The following VWDE variants were observed in gnomAD, a reference collection of about 807,000 sequenced individuals.
The protein encoded by VWDE is von Willebrand factor D and EGF domains.
Under a neutral mutation model 178.4 loss-of-function variants are expected in VWDE, and 207 were observed. The observed-to-expected ratio is 1.16, with a 90% CI of 1.04 to 1.30. VWDE has a LOEUF of 1.30. Ranked by LOEUF, VWDE falls within the 50% of genes most tolerant of loss-of-function variation. The probability of loss-of-function intolerance (pLI) is 0.00; values close to 1 mark genes in which losing one functional copy is unlikely to be tolerated. For synonymous variants in VWDE, 738 were observed against 651.4 expected, an observed-to-expected ratio of 1.13 and a Z score of -2.02; for missense variants, 2,287 against 1,901.3, an observed-to-expected ratio of 1.20 and a Z score of -3.77.
intron 1 of VWDE, among the ~76,000 whole-genome samples, chr7:12,400,602 C>T (rs1292468588): frequency 6.6e-6 from 1 of 152,058 alleles, no homozygotes; most frequent in Non-Finnish European, 1.5e-5. Context: ...GGCATCAATG[C>T]TAAATTCTAC....
chr7:12,349,416 A>G (rs906194664), intron 19 of VWDE, among the ~76,000 whole-genome samples: 16 of 151,378 alleles, frequency 1.1e-4, no homozygotes, highest in African/African-American at 3.6e-4. Context: ...ATAAAATAAT[A>G]AATGTTCTAA....
chr7:12,333,862 C>CT (rs538768322), intron 27 of VWDE: 3,037 of 218,990 alleles, frequency 0.014, 17 homozygotes, highest in Non-Finnish European at 0.02. Flanking sequence ...AAATATATCT[C>CT]TTTTTTTTTC....
At chr7:12,392,019 C>G (rs1784412097) in intron 2 of VWDE, among the ~76,000 whole-genome samples, 1 of 152,134 alleles carries the variant, frequency 6.6e-6, no homozygotes. Flanking sequence ...AGACATATGT[C>G]TTCAATAATA....
At position 12,337,216 on chromosome 7, in the gene VWDE, C is replaced by T. The variant is rs73292361; in HGVS notation, c.4423G>A (p.Val1475Ile). Reference protein sequence around the residue: ...GGHCMRNNVCVCREGYTGRRF... With the variant: ...GGHCMRNNVCICREGYTGRRF... ...CTACCAGTGTATCCTTCACGACAGA[C>T]GCACACATTATTTCTCATGCAGTGG... The change falls in exon 25 of 29, where the codon GTC becomes ATC. Residue 1475 changes from valine to isoleucine, a missense_variant. Physicochemically the swap from Val to Ile is conservative, Grantham distance 29 (BLOSUM62 3). Coordinates refer to ENST00000275358, the MANE Select transcript of VWDE (RefSeq NM_001135924.3). The T allele has an allele frequency of 3.6e-3, 5,591 of 1,551,930 alleles. 163 individuals carry two copies. In the African/African-American group the frequency reaches 0.066, roughly 18 times the overall value.
At chr7:12,378,622 CT>C (rs1307599687) in intron 6 of VWDE, among the ~76,000 whole-genome samples, 1 of 152,112 alleles carries the variant, frequency 6.6e-6, no homozygotes, top group African/African-American at 2.4e-5. Context: ...CTATTGACCC[CT>C]GACACTGTCT....
intron 1 of VWDE, among the ~76,000 whole-genome samples, chr7:12,403,121 T>C (rs761958780): frequency 1.3e-5 from 2 of 152,290 alleles, no homozygotes; most frequent in African/African-American, 4.8e-5. Context: ...TCTTTTACAG[T>C]GCCAAAACTG....
chr7:12,370,605 C>A, intron 11 of VWDE, 51 bp downstream of exon 11: 2 of 1,535,440 alleles, frequency 1.3e-6, no homozygotes, highest in East Asian at 2.5e-5. Context: ...AGCCACCACC[C>A]GTTTTAAGTC....
intron 12 of VWDE, among the ~76,000 whole-genome samples, chr7:12,368,953 G>C (rs1412123654): frequency 1.3e-5 from 2 of 152,128 alleles, no homozygotes; most frequent in African/African-American, 4.8e-5. Flanking sequence ...AGGTGGAAAA[G>C]AGCAAGATGG....
chr7:12,358,482 T>C (rs1325936111), intron 16 of VWDE, among the ~76,000 whole-genome samples: 1 of 152,146 alleles, frequency 6.6e-6, no homozygotes, highest in African/African-American at 2.4e-5. Flanking sequence ...AAAAAATGTC[T>C]ACCTTTCCAG....
rs139879021 is a variant in VWDE, at chr7:12,403,686, C to G, written c.31G>C (p.Ala11Pro). MPGGACVLVI[A>P]LMFLAWGEAQ... ...TCCCCCCAGGCCAGGAACATCAGCG[C>G]GATCACCAGCACGCAGGCTCCGCCA... Residue 11 changes from alanine to proline, a missense_variant, in exon 1 of 29, where the codon GCG becomes CCG. Ala to Pro is a conservative substitution (Grantham distance 27). Coordinates refer to ENST00000275358, the MANE Select transcript of VWDE (RefSeq NM_001135924.3). The G allele has an allele frequency of 1.3e-6, 2 of 1,548,488 alleles. No homozygotes were observed. Among genetic ancestry groups the G allele is most frequent in the Non-Finnish European group, 1.7e-6 (2 of 1,146,536 alleles).
At position 12,357,444 on chromosome 7, in the gene VWDE, G is replaced by T. The variant is rs985605055; in HGVS notation, c.3346C>A (p.Gln1116Lys). ...CCTTCTGGATCGAAGGCCACGAACT[G>T]ATACTCAAAGTTTTCACCATAAAAT... ...QTFYGENFEY[Q>K]FVAFDPEGSD... The change falls in exon 17 of 29, where the codon CAG (glutamine) becomes AAG (lysine). Residue 1116 changes from glutamine (Q) to lysine (K), a missense_variant. By Grantham distance (53) the Gln-to-Lys change is moderately conservative. Transcript: ENST00000275358. 6.4e-7 allele frequency: 1 copy of T among 1,551,980 alleles called. No homozygotes were observed. Among genetic ancestry groups the T allele is most frequent in the Non-Finnish European group, 8.7e-7 (1 of 1,147,070 alleles).
intron 13 of VWDE, among the ~76,000 whole-genome samples, chr7:12,363,044 T>A (rs1451318640): frequency 6.6e-6 from 1 of 152,124 alleles, no homozygotes; most frequent in Non-Finnish European, 1.5e-5. Flanking sequence ...ATTTTGTGAG[T>A]ATATATTATG....
chr7:12,346,143 A>C (rs1781584911), intron 19 of VWDE, among the ~76,000 whole-genome samples: 1 of 152,136 alleles, frequency 6.6e-6, no homozygotes, highest in Non-Finnish European at 1.5e-5. Flanking sequence ...GGAGCTTATA[A>C]TCTTTTGGGG....
At chr7:12,381,868 GA>G (rs1387354435) in intron 4 of VWDE, among the ~76,000 whole-genome samples, 3 of 151,728 alleles carry the variant, frequency 2.0e-5, no homozygotes, top group South Asian at 2.1e-4. Flanking sequence ...ACAAATGACT[GA>G]AAAAAATAAT....
chr7:12,384,585 C>T (rs543831924), intron 3 of VWDE, among the ~76,000 whole-genome samples: 37 of 152,048 alleles, frequency 2.4e-4, no homozygotes, highest in African/African-American at 8.7e-4. Context: ...GGTTGGGGGA[C>T]TATGCATGTG....
chr7:12,399,714 G>A (rs1222955351), intron 1 of VWDE, among the ~76,000 whole-genome samples: 1 of 152,128 alleles, frequency 6.6e-6, no homozygotes, highest in Non-Finnish European at 1.5e-5. Context: ...GGGCATGGTG[G>A]TATGTTCCTA....
chr7:12,374,065 C>T (rs534291472), intron 9 of VWDE, among the ~76,000 whole-genome samples: 1 of 152,200 alleles, frequency 6.6e-6, no homozygotes, highest in East Asian at 1.9e-4. Context: ...TGATGCAACA[C>T]TAAGACATTC....
chr7:12,364,668 G>T (rs758776321), intron 13 of VWDE, among the ~76,000 whole-genome samples: 2 of 152,088 alleles, frequency 1.3e-5, no homozygotes, highest in Non-Finnish European at 2.9e-5. Flanking sequence ...CAGATAATAT[G>T]TGTAGAAGAA....
At chr7:12,389,011 G>T in intron 3 of VWDE, 116 bp downstream of exon 3, 1 of 829,184 alleles carries the variant, frequency 1.2e-6, no homozygotes, top group Admixed American at 2.0e-5. Flanking sequence ...TAGCAATAAT[G>T]GTAGACTGAG....
Sources: allele counts gnomAD v4.1 joint callset (sites outside exome capture counted in the v4.1 genomes callset), GRCh38; gene constraint gnomAD v4.1.1; transcripts MANE v1.5; gene names NCBI Gene and HGNC (gene_info 2026-07-23, HGNC 2026-07-21).